Variants in CNTNAP2 observed in about 807,000 individuals in gnomAD.
CNTNAP2 encodes the protein contactin-associated protein-like 2.
Under a neutral mutation model 155.2 loss-of-function variants are expected in CNTNAP2, and 98 were observed. The observed-to-expected ratio is 0.63, with a 90% CI of 0.54 to 0.75. The LOEUF is 0.75. CNTNAP2 is among the 30% of genes least tolerant of loss of function. The pLI, the probability that CNTNAP2 is intolerant of heterozygous loss-of-function variation, is 0.00. For synonymous variants in CNTNAP2, 651 were observed against 631.2 expected (o/e 1.03, Z -0.47); for missense variants, 1,727 against 1,688.1 (o/e 1.02, Z -0.40).
intron 1 of CNTNAP2, among the ~76,000 whole-genome samples, chr7:146,491,844 A>G (rs1797144034): frequency 6.6e-6 from 1 of 152,166 alleles, no homozygotes; most frequent in Non-Finnish European, 1.5e-5. Context: ...AATTTCCAGA[A>G]AAAGGTAATT....
chr7:147,634,636 AT>A (rs1370855682), intron 12 of CNTNAP2, among the ~76,000 whole-genome samples: 1 of 152,212 alleles, frequency 6.6e-6, no homozygotes, highest in East Asian at 1.9e-4. Flanking sequence ...CAGAAAAAAA[AT>A]GACAAGACGC....
chr7:148,055,635 T>A (rs1300799477), intron 15 of CNTNAP2, among the ~76,000 whole-genome samples: 2 of 152,222 alleles, frequency 1.3e-5, no homozygotes, highest in Non-Finnish European at 2.9e-5. Flanking sequence ...ATTATGTTTA[T>A]AAAGACAAAG....
intron 2 of CNTNAP2, among the ~76,000 whole-genome samples, chr7:146,788,245 G>A (rs1194785655): frequency 6.6e-6 from 1 of 152,224 alleles, no homozygotes; most frequent in African/African-American, 2.4e-5. Context: ...CAGCCCCAGA[G>A]GGGGACCCCC....
At chr7:148,405,955 G>A (rs113468992) in intron 22 of CNTNAP2, among the ~76,000 whole-genome samples, 6,873 of 152,030 alleles carry the variant, frequency 0.045, 386 homozygotes, top group African/African-American at 0.12. Flanking sequence ...AAGGTCGGCC[G>A]GGCGCGGTGG....
At chr7:147,924,083 G>A (rs550883877) in intron 14 of CNTNAP2, among the ~76,000 whole-genome samples, 1 of 151,794 alleles carries the variant, frequency 6.6e-6, no homozygotes, top group Non-Finnish European at 1.5e-5. Flanking sequence ...CCAGGCATTT[G>A]CTGAGGGCTT....
intron 15 of CNTNAP2, among the ~76,000 whole-genome samples, chr7:148,038,592 ATCT>A (rs1211121610): frequency 1.3e-5 from 2 of 152,170 alleles, no homozygotes; most frequent in African/African-American, 4.8e-5. Flanking sequence ...GTCAAGGATC[ATCT>A]TATAGTATCC....
At chr7:146,164,196 T>G (rs1798276366) in intron 1 of CNTNAP2, among the ~76,000 whole-genome samples, 1 of 152,202 alleles carries the variant, frequency 6.6e-6, no homozygotes, top group African/African-American at 2.4e-5. Flanking sequence ...TAAGGTTTGC[T>G]TTCTTTCACG....
intron 3 of CNTNAP2, among the ~76,000 whole-genome samples, chr7:147,029,664 C>A (rs1295452404): frequency 6.6e-6 from 1 of 151,426 alleles, no homozygotes; most frequent in East Asian, 1.9e-4. Flanking sequence ...AGAAACATTA[C>A]CTGGTATTAA....
At position 148,061,957 on chromosome 7, in the gene CNTNAP2, A is replaced by G. The variant is rs1300973274; in HGVS notation, c.2384-56161A>G. On this transcript the variant is annotated intron_variant, in intron 15 of 23. Transcript: ENST00000361727. Reference sequence around the variant, plus strand: ...GATAGATAGATAGATAAACAGATATAGATAGATAGATAGATAGATAGATAG... The same window carrying G: ...GATAGATAGATAGATAAACAGATATGGATAGATAGATAGATAGATAGATAG... Among the ~76,000 whole-genome samples the G allele has an allele frequency of 1.6e-4, 5 of 30,316 alleles. 1 individual carries two copies. The highest frequency in any genetic ancestry group is 7.3e-4 in the African/African-American group (5 of 6,878). 19.9% of individuals were successfully genotyped at this position (30,316 alleles called of 152,430 possible). A position where few individuals can be genotyped will look rare whatever the true frequency, so the allele number is the denominator to read the frequency against.
At chr7:148,365,293 C>T (rs2116625929) in intron 21 of CNTNAP2, among the ~76,000 whole-genome samples, 1 of 152,270 alleles carries the variant, frequency 6.6e-6, no homozygotes, top group South Asian at 2.1e-4. Context: ...TTGCTTATTG[C>T]TCAACTAGTT....
chr7:147,229,058 G>T (rs894852309), intron 8 of CNTNAP2, among the ~76,000 whole-genome samples: 14 of 151,964 alleles, frequency 9.2e-5, no homozygotes, highest in South Asian at 8.3e-4. Flanking sequence ...TATATATATA[G>T]AGAGAGAGAC....
chr7:146,606,458 T>C (rs1402836615), intron 1 of CNTNAP2, among the ~76,000 whole-genome samples: 4 of 152,198 alleles, frequency 2.6e-5, no homozygotes, highest in African/African-American at 9.6e-5. Flanking sequence ...TCAACTTCTA[T>C]GAAGAAAGAT....
chr7:147,763,791 G>A (rs1797344059), intron 13 of CNTNAP2, among the ~76,000 whole-genome samples: 1 of 152,158 alleles, frequency 6.6e-6, no homozygotes, highest in South Asian at 2.1e-4. Context: ...AGCAGTGTGG[G>A]GAGCTAAGTC....
chr7:146,616,709 G>A (rs1799230802), intron 1 of CNTNAP2, among the ~76,000 whole-genome samples: 2 of 152,128 alleles, frequency 1.3e-5, no homozygotes, highest in Admixed American at 6.5e-5. Flanking sequence ...CCAGACTAGC[G>A]TCTCTTCTAA....
At chr7:148,008,978 C>T (rs550468206) in intron 15 of CNTNAP2, among the ~76,000 whole-genome samples, 16 of 152,244 alleles carry the variant, frequency 1.1e-4, no homozygotes, top group Non-Finnish European at 1.9e-4. Flanking sequence ...GAGTAACAAA[C>T]CCTTAATAGA....
intron 2 of CNTNAP2, among the ~76,000 whole-genome samples, chr7:146,837,519 T>G (rs991569820): frequency 7.9e-5 from 12 of 152,188 alleles, no homozygotes; most frequent in Non-Finnish European, 4.4e-5. Flanking sequence ...GGTCTGCTAA[T>G]TTCATCATTT....
chr7:147,768,605 A>G (rs1386643397), intron 13 of CNTNAP2, among the ~76,000 whole-genome samples: 2 of 152,074 alleles, frequency 1.3e-5, no homozygotes, highest in African/African-American at 4.8e-5. Flanking sequence ...TTCTTTAAAG[A>G]TGATTCATTT....
At chr7:146,930,722 A>AAT (rs1796731796) in intron 3 of CNTNAP2, among the ~76,000 whole-genome samples, 1 of 150,478 alleles carries the variant, frequency 6.6e-6, no homozygotes, top group Non-Finnish European at 1.5e-5. Flanking sequence ...ATAGGCTCAA[A>AAT]ATAAAAGGAT....
chr7:146,517,077 C>T (rs78279994), intron 1 of CNTNAP2, among the ~76,000 whole-genome samples: 9,905 of 152,008 alleles, frequency 0.065, 785 homozygotes, highest in African/African-American at 0.19. Flanking sequence ...GCTCTAAGCA[C>T]GGTGATGAAC....
Sources: gnomAD v4.1 joint callset for allele counts (sites outside exome capture counted in the v4.1 genomes callset) on GRCh38, gnomAD v4.1.1 for gene constraint, MANE v1.5 for transcripts, NCBI Gene and HGNC (gene_info 2026-07-23, HGNC 2026-07-21) for gene names.